The following ZNF253 variants were observed in gnomAD, a reference collection of about 807,000 sequenced individuals.
The protein encoded by ZNF253 is zinc finger protein 253, also known as DNA-binding protein.
ZNF253 carries 8 observed loss-of-function variants against 11.9 expected under a neutral mutation model. That is an observed-to-expected ratio of 0.67 (90% CI 0.40 to 1.22). The LOEUF (loss-of-function observed/expected upper bound fraction) is 1.22, where lower values mean the gene tolerates loss of function less well. Ranked by LOEUF, ZNF253 falls within the 50% of genes most tolerant of loss-of-function variation. The pLI, the probability that ZNF253 is intolerant of heterozygous loss-of-function variation, is 0.01. For synonymous variants in ZNF253, 194 were observed against 194.9 expected (o/e 1.00, Z 0.04); for missense variants, 485 against 586.9 (o/e 0.83, Z 1.79).
intron 3 of ZNF253, among the ~76,000 whole-genome samples, chr19:19,885,217 TTCTTTCTTTCTTTCTTTC>T (rs1568498462): frequency 4.9e-5 from 2 of 40,824 alleles, no homozygotes; most frequent in Non-Finnish European, 8.1e-5. Flanking sequence ...TTTTTTTGTA[TTCTTTCTTTCTTTCTTTC>T]TTTCTTTCTT....
intron 3 of ZNF253, among the ~76,000 whole-genome samples, chr19:19,881,782 T>C (rs1364743850): frequency 6.6e-6 from 1 of 152,204 alleles, no homozygotes; most frequent in Non-Finnish European, 1.5e-5. Flanking sequence ...TTTAAATATG[T>C]GATTGTATGA....
chr19:19,874,708 G>A (rs1599551423), intron 1 of ZNF253, among the ~76,000 whole-genome samples: 2 of 152,078 alleles, frequency 1.3e-5, no homozygotes, highest in East Asian at 3.9e-4. Flanking sequence ...TCAGGAGATC[G>A]AGACCATCCT....
chr19:19,886,628 A>T (rs949252251), intron 3 of ZNF253, among the ~76,000 whole-genome samples: 1 of 152,144 alleles, frequency 6.6e-6, no homozygotes, highest in Non-Finnish European at 1.5e-5. Flanking sequence ...TTCACCTCAC[A>T]CTTGCTCTGT....
At chr19:19,869,266 A>G (rs971883694) in intron 1 of ZNF253, among the ~76,000 whole-genome samples, 1 of 152,328 alleles carries the variant, frequency 6.6e-6, no homozygotes. Context: ...AACAGTGCAT[A>G]AACAGTGGAG....
rs1327203016 is a variant in ZNF253, at chr19:19,885,353, T to TCTTC, written c.226+5211_226+5214dup. On this transcript the variant is annotated intron_variant, in intron 3 of 3. Coordinates refer to ENST00000589717, the MANE Select transcript of ZNF253 (RefSeq NM_021047.3). Reference sequence around the variant, plus strand: ...TTCTTTCTTTCTTTCTTTCTTTCTTTCTTCCTTTCTTTTCTTTCTTTTCTT... The same window carrying TCTTC: ...TTCTTTCTTTCTTTCTTTCTTTCTTTCTTCCTTCCTTTCTTTTCTTTCTTTTCTT... Among the ~76,000 whole-genome samples, 2 of 66,884 alleles carry TCTTC rather than the reference T, an allele frequency of 3.0e-5. 1 individual carries two copies. The highest frequency in any genetic ancestry group is 4.8e-5 in the Non-Finnish European group (2 of 41,962). 43.9% of individuals were successfully genotyped at this position (66,884 alleles called of 152,430 possible). A position where few individuals can be genotyped will look rare whatever the true frequency, so the allele number is the denominator to read the frequency against.
intron 3 of ZNF253, among the ~76,000 whole-genome samples, chr19:19,889,767 G>A (rs1275349520): frequency 1.3e-5 from 2 of 151,904 alleles, no homozygotes; most frequent in African/African-American, 2.4e-5. Context: ...AGTCTCCTAC[G>A]TGGCTGGGAT....
intron 3 of ZNF253, among the ~76,000 whole-genome samples, chr19:19,888,087 G>A (rs553564040): frequency 4.6e-5 from 7 of 151,346 alleles, no homozygotes; most frequent in South Asian, 2.1e-4. Context: ...ATTTTGAGAC[G>A]GAATCTTGGT....
rs1343274218 is a variant in ZNF253, at chr19:19,892,309, C to T, written c.1062C>T (p.His354=). ...GCAAAGCCTTTCACCTATCCTCACA[C>T]CTTACTACACATAAGATACTTCATA... ...ECGKAFHLSS[H]LTTHKILHTG... is the part of the protein sequence containing the mutation. The change falls in exon 4 of 4, where the codon CAC becomes CAT. Residue 354 remains histidine, a synonymous_variant. Coordinates refer to ENST00000589717, the MANE Select transcript of ZNF253 (RefSeq NM_021047.3). 1 of 1,611,686 alleles carries T rather than the reference C, an allele frequency of 6.2e-7. No homozygotes were observed. Among genetic ancestry groups the T allele is most frequent in the South Asian group, 1.1e-5 (1 of 90,962 alleles).
chr19:19,866,148 C>T, intron 1 of ZNF253, 149 bp downstream of exon 1: 1 of 1,037,858 alleles, frequency 9.6e-7, no homozygotes, highest in Non-Finnish European at 1.4e-6. Context: ...TCCCCTTCAG[C>T]CATAAGATGG....
intron 1 of ZNF253, among the ~76,000 whole-genome samples, chr19:19,868,069 T>A (rs1568493169): frequency 1.3e-5 from 2 of 152,074 alleles, no homozygotes; most frequent in African/African-American, 4.8e-5. Context: ...TAAACTTGTT[T>A]AAGTTCTTAA....
rs77144796 is a variant in ZNF253 at position 19,892,263 on chromosome 19, C to A, written c.1016C>A (p.Pro339His). The change falls in exon 4 of 4, where the codon CCC becomes CAC. Residue 339 changes from proline (P) to histidine (H), a missense_variant. Pro to His is a moderately conservative substitution (Grantham distance 77). Transcript: ENST00000589717. Reference protein sequence around the residue: ...IHKRIHTGEKPYKCEECGKAF... With the variant: ...IHKRIHTGEKHYKCEECGKAF... ...AAGAGAATTCATACAGGAGAGAAAC[C>A]CTACAAATGTGAAGAATGTGGCAAA... 6.2e-7 allele frequency: 1 copy of A among 1,611,652 alleles called. No individual in the cohort carries two copies. Among genetic ancestry groups the A allele is most frequent in the African/African-American group, 1.3e-5 (1 of 74,968 alleles).
intron 1 of ZNF253, among the ~76,000 whole-genome samples, chr19:19,874,014 T>TA (rs1356150388): frequency 2.0e-5 from 3 of 152,158 alleles, no homozygotes; most frequent in Non-Finnish European, 4.4e-5. Context: ...GTTCAAGTGA[T>TA]ACTCCTGTCT....
At chr19:19,866,769 G>A (rs1167377940) in intron 1 of ZNF253, among the ~76,000 whole-genome samples, 1 of 152,002 alleles carries the variant, frequency 6.6e-6, no homozygotes, top group African/African-American at 2.4e-5. Context: ...GTTTGAAAGG[G>A]GTTTTTAACC....
Position 19,885,286 on chromosome 19 carries a change from T to TC in ZNF253, c.226+5141dup, listed in dbSNP as rs1568498925. 4.6e-5 allele frequency among the ~76,000 whole-genome samples: 2 copies of TC among 43,200 alleles called. 1 individual carries two copies. Among genetic ancestry groups the TC allele is most frequent in the African/African-American group, 7.7e-4 (2 of 2,582 alleles). 28.3% of individuals were successfully genotyped at this position (43,200 alleles called of 152,430 possible). A position where few individuals can be genotyped will look rare whatever the true frequency, so the allele number is the denominator to read the frequency against. On this transcript the variant is annotated intron_variant, in intron 3 of 3. Coordinates refer to ENST00000589717, the MANE Select transcript of ZNF253 (RefSeq NM_021047.3). The stretch of plus-strand genomic sequence containing the variant: ...TTCTTTCTTTCTTTCTTTCTTTCTT[T>TC]CTTTCTCTTTCTTTTCTTTCTTTCT...
At chr19:19,885,486 G>T (rs1317900533) in intron 3 of ZNF253, among the ~76,000 whole-genome samples, 2 of 151,516 alleles carry the variant, frequency 1.3e-5, no homozygotes, top group Non-Finnish European at 2.9e-5. Context: ...TGCCTTCTGG[G>T]TTCACGCCAT....
In ZNF253 at chr19:19,892,986, T is replaced by C; in HGVS notation, c.*239T>C. The C allele has an allele frequency of 3.1e-6, 1 of 324,330 alleles. No individual in the cohort carries two copies. Among genetic ancestry groups the C allele is most frequent in the African/African-American group, 7.5e-5 (1 of 13,318 alleles). 20.1% of individuals were successfully genotyped at this position (324,330 alleles called of 1,614,324 possible). On this transcript the variant is annotated 3_prime_UTR_variant, in exon 4 of 4. Transcript: ENST00000589717. ...AAACCTATAACAAGTTCTCAATTCC[T>C]TTTTTTTTGAGATGGAGTTTCACTC...
At chr19:19,877,248 A>G (rs192220350) in intron 1 of ZNF253, among the ~76,000 whole-genome samples, 1 of 152,334 alleles carries the variant, frequency 6.6e-6, no homozygotes, top group East Asian at 1.9e-4. Context: ...TCCTACTAAA[A>G]GTTACAGAAC....
intron 3 of ZNF253, among the ~76,000 whole-genome samples, chr19:19,885,318 C>CTCTTTCT (rs1555778000): frequency 1.1e-4 from 7 of 62,598 alleles, no homozygotes; most frequent in Admixed American, 3.7e-4. Context: ...TTCTTTCTTT[C>CTCTTTCT]TTTCTTTCTT....
At chr19:19,873,088 G>A (rs754994958) in intron 1 of ZNF253, among the ~76,000 whole-genome samples, 3 of 152,144 alleles carry the variant, frequency 2.0e-5, no homozygotes, top group Non-Finnish European at 4.4e-5. Flanking sequence ...ATGTGGCTCT[G>A]TGAGATTTTT....
Sources: allele counts gnomAD v4.1 joint callset (sites outside exome capture counted in the v4.1 genomes callset), GRCh38; gene constraint gnomAD v4.1.1; transcripts MANE v1.5; gene names NCBI Gene and HGNC (gene_info 2026-07-23, HGNC 2026-07-21).